CNTN1: variants seen among roughly 807,000 people sequenced by gnomAD.
CNTN1 encodes the protein contactin-1.
A neutral mutation model predicts 126.4 loss-of-function variants in CNTN1; 38 were observed. The ratio of observed to expected loss-of-function variants is 0.30; its 90% confidence interval spans 0.23 to 0.39. CNTN1 has a LOEUF of 0.39. Among genes scored for constraint, CNTN1 ranks in the 10% least tolerant of loss-of-function variants. CNTN1 has a pLI of 1.00. For synonymous variants in CNTN1, 413 were observed against 422.6 expected, an observed-to-expected ratio of 0.98 and a Z score of 0.28; for missense variants, 1,009 against 1,248.4, an observed-to-expected ratio of 0.81 and a Z score of 2.89.
chr12:41,054,518 TAAAC>T (rs1251687454), intron 23 of CNTN1, among the ~76,000 whole-genome samples: 1 of 152,026 alleles, frequency 6.6e-6, no homozygotes, highest in African/African-American at 2.4e-5. Context: ...ATTTTAAACA[TAAAC>T]AAGTTTCCTA....
At chr12:40,855,611 A>T (rs1340439917) in intron 1 of CNTN1, among the ~76,000 whole-genome samples, 1 of 152,078 alleles carries the variant, frequency 6.6e-6, no homozygotes, top group Non-Finnish European at 1.5e-5. Context: ...ATTTTTCTAG[A>T]ATGAGTTGTC....
chr12:40,730,125 C>G (rs1942456102), intron 1 of CNTN1, among the ~76,000 whole-genome samples: 1 of 152,168 alleles, frequency 6.6e-6, no homozygotes, highest in Non-Finnish European at 1.5e-5. Flanking sequence ...GCTGTCCCCT[C>G]CCTCTAAATC....
At chr12:40,834,640 C>T (rs1941979116) in intron 1 of CNTN1, among the ~76,000 whole-genome samples, 1 of 152,050 alleles carries the variant, frequency 6.6e-6, no homozygotes, top group African/African-American at 2.4e-5. Context: ...TTAGATGAAC[C>T]AGTAATAAAA....
At chr12:41,065,325 G>A (rs565115025) in intron 23 of CNTN1, among the ~76,000 whole-genome samples, 1 of 152,274 alleles carries the variant, frequency 6.6e-6, no homozygotes, top group South Asian at 2.1e-4. Context: ...AAAGTGCTGG[G>A]ATTACAGGCG....
chr12:40,871,656 T>C (rs1354430785), intron 1 of CNTN1, among the ~76,000 whole-genome samples: 1 of 152,210 alleles, frequency 6.6e-6, no homozygotes, highest in Admixed American at 6.5e-5. Flanking sequence ...TAAAATGTTT[T>C]GTATAAAATG....
chr12:40,958,968 A>T, intron 14 of CNTN1, 146 bp from the exon 15 acceptor site: 1 of 884,054 alleles, frequency 1.1e-6, no homozygotes, highest in Non-Finnish European at 1.8e-6. Context: ...TGAAGCCTAG[A>T]GCAAGGACAT....
intron 1 of CNTN1, among the ~76,000 whole-genome samples, chr12:40,814,558 A>T (rs1175994027): frequency 1.3e-5 from 2 of 151,878 alleles, no homozygotes; most frequent in African/African-American, 4.8e-5. Flanking sequence ...GGTCTATATG[A>T]TTGTTTTGGT....
intron 16 of CNTN1, among the ~76,000 whole-genome samples, chr12:40,990,304 T>C (rs1182555348): frequency 2.0e-5 from 3 of 152,190 alleles, no homozygotes; most frequent in African/African-American, 7.2e-5. Flanking sequence ...AGCAAATTCC[T>C]TCCTTAATAA....
intron 1 of CNTN1, among the ~76,000 whole-genome samples, chr12:40,772,102 C>G (rs1225796754): frequency 6.6e-6 from 1 of 151,992 alleles, no homozygotes; most frequent in Non-Finnish European, 1.5e-5. Context: ...ACCTCCAACC[C>G]TTCATATAAA....
At chr12:41,029,346 C>G (rs982854213) in intron 23 of CNTN1, 127 bp downstream of exon 23, 2 of 1,047,596 alleles carry the variant, frequency 1.9e-6, no homozygotes, top group Admixed American at 3.5e-5. Flanking sequence ...TTGGACATAT[C>G]AAGGATTCCC....
At chr12:41,060,689 G>A (rs1172013149) in intron 23 of CNTN1, among the ~76,000 whole-genome samples, 1 of 152,038 alleles carries the variant, frequency 6.6e-6, no homozygotes, top group Non-Finnish European at 1.5e-5. Context: ...CTGGTTGTTG[G>A]TTAATTAATC....
chr12:41,047,629 T>TAG (rs1949574689), intron 23 of CNTN1, among the ~76,000 whole-genome samples: 1 of 152,078 alleles, frequency 6.6e-6, no homozygotes, highest in South Asian at 2.1e-4. Context: ...AGGGCCACTC[T>TAG]TACTCATTCC....
At chr12:40,969,125 C>T (rs1297822348) in intron 15 of CNTN1, among the ~76,000 whole-genome samples, 1 of 152,234 alleles carries the variant, frequency 6.6e-6, no homozygotes, top group Admixed American at 6.6e-5. Flanking sequence ...AAATCCCTTT[C>T]GAGCAGTTTT....
chr12:40,948,255 T>G (rs1946509096), intron 14 of CNTN1, among the ~76,000 whole-genome samples: 1 of 126,362 alleles, frequency 7.9e-6, no homozygotes, highest in Non-Finnish European at 1.6e-5. Context: ...TTTTTCTTTC[T>G]TTCTTTTTTT....
intron 23 of CNTN1, among the ~76,000 whole-genome samples, chr12:41,035,556 T>C (rs535719932): frequency 1.9e-4 from 29 of 152,116 alleles, no homozygotes; most frequent in Non-Finnish European, 4.0e-4. Flanking sequence ...AACAAACAAA[T>C]AATAAAACAA....
At chr12:40,792,120 A>C (rs1450303113) in intron 1 of CNTN1, among the ~76,000 whole-genome samples, 1 of 152,094 alleles carries the variant, frequency 6.6e-6, no homozygotes, top group African/African-American at 2.4e-5. Flanking sequence ...TCATGCAGGA[A>C]TTCCGAAAAG....
Position 41,070,052 on chromosome 12 carries a change from G to A in CNTN1, c.*17G>A. The A allele has an allele frequency of 6.2e-7, 1 of 1,611,038 alleles. No individual in the cohort carries two copies. The highest frequency in any genetic ancestry group is 8.5e-7 in the Non-Finnish European group (1 of 1,177,486). On this transcript the variant is annotated 3_prime_UTR_variant, in exon 24 of 24. Transcript: ENST00000551295. ...GAATTCTGAATGTGTTGTGACAGCT[G>A]CTGTTCCCATCCCAGCTCAGAAGAC...
intron 1 of CNTN1, among the ~76,000 whole-genome samples, chr12:40,750,603 G>T (rs1413604948): frequency 2.0e-5 from 3 of 151,854 alleles, no homozygotes; most frequent in Non-Finnish European, 1.5e-5. Context: ...AGGAGTTTAA[G>T]AACAGTCTAG....
At chr12:40,888,225 C>T (rs1023454037) in intron 1 of CNTN1, among the ~76,000 whole-genome samples, 7 of 151,756 alleles carry the variant, frequency 4.6e-5, no homozygotes, top group Non-Finnish European at 7.4e-5. Context: ...ATTAATAACC[C>T]GATTAATTTT....
Sources: gnomAD v4.1 joint callset for allele counts (sites outside exome capture counted in the v4.1 genomes callset) on GRCh38, gnomAD v4.1.1 for gene constraint, MANE v1.5 for transcripts, NCBI Gene and HGNC (gene_info 2026-07-23, HGNC 2026-07-21) for gene names.